TPCN2: variants seen among roughly 807,000 people sequenced by gnomAD.
TPCN2 encodes two pore channel protein 2.
TPCN2 carries 92 observed loss-of-function variants against 111.4 expected under a neutral mutation model. The ratio of observed to expected loss-of-function variants is 0.83; its 90% CI spans 0.70 to 0.98. The LOEUF (loss-of-function observed/expected upper bound fraction) is 0.98, where lower values mean the gene tolerates loss of function less well. Among genes scored for constraint, TPCN2 ranks in the 50% least tolerant of loss-of-function variants. TPCN2 has a pLI of 0.00. For synonymous variants in TPCN2, 405 were observed against 414.5 expected (o/e 0.98, Z 0.28); for missense variants, 995 against 980.1 (o/e 1.02, Z -0.20).
At chr11:69,065,365 G>A (rs1447192090) in intron 7 of TPCN2, among the ~76,000 whole-genome samples, 3 of 152,204 alleles carry the variant, frequency 2.0e-5, no homozygotes, top group Non-Finnish European at 2.9e-5. Flanking sequence ...TGTGGTCCTC[G>A]ACCCCGGGAA....
chr11:69,059,889 T>C (rs961789640), intron 5 of TPCN2, among the ~76,000 whole-genome samples: 4 of 152,228 alleles, frequency 2.6e-5, no homozygotes, highest in African/African-American at 9.6e-5. Flanking sequence ...GTTGTGCTAT[T>C]GGCACCAGGC....
chr11:69,085,343 G>GTGGGGGGGGGGGGGGA, intron 20 of TPCN2, 57 bp downstream of exon 20: 14 of 581,748 alleles, frequency 2.4e-5, no homozygotes, highest in East Asian at 4.3e-5. Context: ...GGGTGGGCGG[G>GTGGGGGGGGGGGGGGA]AAGCCTTGGC....
chr11:69,076,563 ACCTGCCCTCCTGCTCTG>A (rs1855760067), intron 13 of TPCN2, among the ~76,000 whole-genome samples: 1 of 43,062 alleles, frequency 2.3e-5, no homozygotes, highest in African/African-American at 5.3e-5. Flanking sequence ...CTGTCCCTCC[ACCTGCCCTCCTGCTCTG>A]TCCCTCCACC....
chr11:69,059,042 G>C lies in TPCN2; in HGVS notation c.546+1348G>C, dbSNP rs1854904221. Among the ~76,000 whole-genome samples, 4 of 152,230 alleles carry C rather than the reference G, an allele frequency of 2.6e-5. No individual in the cohort carries two copies. In the South Asian group the frequency reaches 6.2e-4, roughly 24 times the overall value. On this transcript the variant is annotated intron_variant, in intron 5 of 24. Coordinates refer to ENST00000294309, the MANE Select transcript of TPCN2 (RefSeq NM_139075.4). ...TATACCTGGCCGTGGGCCCTGCCTG[G>C]ATCTCTTCTGCCACCTGCTCCGCGC... is the stretch of plus-strand genomic sequence containing the variant.
At chr11:69,065,423 C>T (rs1377161569) in intron 7 of TPCN2, among the ~76,000 whole-genome samples, 4 of 152,210 alleles carry the variant, frequency 2.6e-5, no homozygotes, top group African/African-American at 9.6e-5. Flanking sequence ...GCTCCTCCTC[C>T]AGGCGTGGGT....
chr11:69,075,391 G>A (rs1253470445), intron 13 of TPCN2, among the ~76,000 whole-genome samples: 1 of 152,210 alleles, frequency 6.6e-6, no homozygotes, highest in African/African-American at 2.4e-5. Context: ...TATACTTTAA[G>A]TCATTTCTAG....
intron 19 of TPCN2, among the ~76,000 whole-genome samples, 164 bp downstream of exon 19, chr11:69,084,180 AG>A (rs1856169734): frequency 6.6e-6 from 1 of 152,186 alleles, no homozygotes. Flanking sequence ...GGTCGGGGTA[AG>A]AAGCCAGAGG....
At position 69,078,538 on chromosome 11, in the gene TPCN2, C is replaced by T. The variant is rs199822851; in HGVS notation, c.1287C>T (p.Phe429=). Reference sequence around the variant, plus strand: ...TTCTGCAGAGCGCCCAGTTCCTCTTCGGCCACTACTACTTTGACTACCTGG... The same window carrying T: ...TTCTGCAGAGCGCCCAGTTCCTCTTTGGCCACTACTACTTTGACTACCTGG... ...SPFLQSAQFL[F]GHYYFDYLGN... Residue 429 remains phenylalanine (F), a synonymous_variant, in exon 14 of 25, where the codon TTC becomes TTT. Transcript: ENST00000294309. 4.7e-5 allele frequency: 76 copies of T among 1,614,178 alleles called. No individual in the cohort carries two copies. Among genetic ancestry groups the T allele is most frequent in the Middle Eastern group, 1.6e-4 (1 of 6,062 alleles).
At chr11:69,072,813 C>G in intron 12 of TPCN2, 102 bp from the exon 13 acceptor site, 1 of 1,526,542 alleles carries the variant, frequency 6.6e-7, no homozygotes, top group South Asian at 1.1e-5. Context: ...TCACCTGCAG[C>G]ATTCACAGCC....
At chr11:69,079,261 C>T in intron 16 of TPCN2, 1 of 543,860 alleles carries the variant, frequency 1.8e-6, no homozygotes. Context: ...GGCTGCCCCT[C>T]CCGACCCCCA....
intron 1 of TPCN2, among the ~76,000 whole-genome samples, chr11:69,051,873 G>C (rs1340828952): frequency 6.6e-6 from 1 of 152,162 alleles, no homozygotes; most frequent in Non-Finnish European, 1.5e-5. Context: ...GTGGCACTGA[G>C]GGTTGAAAGG....
Position 69,088,804 on chromosome 11 carries a change from C to G in TPCN2, c.*851C>G, listed in dbSNP as rs144366436. The G allele has an allele frequency of 2.2e-4, 34 of 152,274 alleles. No individual in the cohort carries two copies. The highest frequency in any genetic ancestry group is 6.0e-4 in the African/African-American group (25 of 41,536). 9.4% of individuals were successfully genotyped at this position (152,274 alleles called of 1,614,324 possible). On this transcript the variant is annotated 3_prime_UTR_variant, in exon 25 of 25. Transcript: ENST00000294309. ...GTTGTCACCTGAAGCACGCCAGGTC[C>G]AGATTGACCAATGGTTTTCTCACTT...
At chr11:69,064,030 G>T in intron 7 of TPCN2, 63 bp downstream of exon 7, 5 of 1,526,464 alleles carry the variant, frequency 3.3e-6, no homozygotes, top group South Asian at 1.1e-5. Context: ...AACAGAGGGG[G>T]CTGGGCTGGT....
At position 69,088,159 on chromosome 11, in the gene TPCN2, G is replaced by T; in HGVS notation, c.*206G>T. 3 of 554,364 alleles carry T rather than the reference G, an allele frequency of 5.4e-6. No individual in the cohort carries two copies. Among genetic ancestry groups the T allele is most frequent in the South Asian group, 4.6e-5 (2 of 43,122 alleles). The allele number at this position is 554,364 out of a possible 1,614,324, so 34.3% of individuals were successfully genotyped here. A position where few individuals can be genotyped will look rare whatever the true frequency, so the allele number is the denominator to read the frequency against. On this transcript the variant is annotated 3_prime_UTR_variant, in exon 25 of 25. Transcript: ENST00000294309. The stretch of plus-strand genomic sequence containing the variant: ...GAACAGCTGCTGGTGCTTCAGGGAG[G>T]CGCCGTGCCCTCCGCTTTCTTTTAT...
intron 13 of TPCN2, among the ~76,000 whole-genome samples, chr11:69,076,957 C>A (rs1251652274): frequency 1.5e-5 from 1 of 68,354 alleles, no homozygotes; most frequent in Non-Finnish European, 2.8e-5. Flanking sequence ...CTGCTGTGTC[C>A]CTCCACCTGC....
At position 69,054,296 on chromosome 11, in the gene TPCN2, G is replaced by T. The variant is rs1854645486; in HGVS notation, c.174+199G>T. Reference sequence around the variant, plus strand: ...CTTCTGCATCCTGGACGCATTTGCTGCTTTGATGCACCGTGTTCTGAGGCC... The same window carrying T: ...CTTCTGCATCCTGGACGCATTTGCTTCTTTGATGCACCGTGTTCTGAGGCC... On this transcript the variant is annotated intron_variant, in intron 2 of 24. Coordinates refer to ENST00000294309, the MANE Select transcript of TPCN2 (RefSeq NM_139075.4). 2.2e-5 allele frequency: 13 copies of T among 597,068 alleles called. No homozygotes were observed. In the East Asian group the frequency reaches 3.6e-4, roughly 17 times the overall value. 37.0% of individuals were successfully genotyped at this position (597,068 alleles called of 1,614,324 possible).
chr11:69,067,630 C>G, intron 8 of TPCN2, 25 bp downstream of exon 8: 1 of 1,610,658 alleles, frequency 6.2e-7, no homozygotes, highest in African/African-American at 1.3e-5. Flanking sequence ...AGGGAGGGAC[C>G]GTGGGGGTCG....
At position 69,051,590 on chromosome 11, in the gene TPCN2, A is replaced by C. The variant is rs539090025; in HGVS notation, c.110-2443A>C. On this transcript the variant is annotated intron_variant, in intron 1 of 24. Transcript: ENST00000294309. ...TGGATGTTGCGGGGCAGAGGCTTGG[A>C]TTAGGAAGCCGTGTCGAGGCCTGGT... 9.8e-5 allele frequency among the ~76,000 whole-genome samples: 15 copies of C among 152,290 alleles called. No homozygotes were observed. The East Asian group carries it at 2.7e-3, about 27-fold the overall frequency.
intron 1 of TPCN2, among the ~76,000 whole-genome samples, chr11:69,051,630 A>T (rs58943265): frequency 6.6e-6 from 1 of 152,238 alleles, no homozygotes; most frequent in Non-Finnish European, 1.5e-5. Context: ...CGGATGCAGC[A>T]TCTCAGCCCC....
Sources: gnomAD v4.1 joint callset for allele counts (sites outside exome capture counted in the v4.1 genomes callset) on GRCh38, gnomAD v4.1.1 for gene constraint, MANE v1.5 for transcripts, NCBI Gene and HGNC (gene_info 2026-07-23, HGNC 2026-07-21) for gene names.